Variants in UPF2 observed in about 807,000 individuals in gnomAD.
The protein encoded by UPF2 is regulator of nonsense transcripts 2.
UPF2 carries 17 observed loss-of-function variants against 141.4 expected under a neutral mutation model. The ratio of observed to expected loss-of-function variants is 0.12; its 90% CI spans 0.08 to 0.18. UPF2 has a LOEUF of 0.18. UPF2 is among the 10% of genes least tolerant of loss of function. The probability of loss-of-function intolerance (pLI) is 1.00; values close to 1 mark genes in which losing one functional copy is unlikely to be tolerated. For synonymous variants in UPF2, 540 were observed against 498.0 expected, an observed-to-expected ratio of 1.08 and a Z score of -1.12; for missense variants, 1,152 against 1,515.9, an observed-to-expected ratio of 0.76 and a Z score of 3.99.
At chr10:12,006,759 ACCT>A (rs1351087561) in intron 4 of UPF2, among the ~76,000 whole-genome samples, 2 of 152,190 alleles carry the variant, frequency 1.3e-5, no homozygotes, top group African/African-American at 4.8e-5. Flanking sequence ...TTCCTGGCAG[ACCT>A]CCTAAAACCC....
rs142559307 is a variant in UPF2 at position 11,977,391 on chromosome 10, A to C, written c.1953+1666T>G. Among the ~76,000 whole-genome samples, 495 of 152,282 alleles carry C rather than the reference A, an allele frequency of 3.3e-3. 2 individuals carry two copies. The highest frequency in any genetic ancestry group is 4.8e-3 in the Non-Finnish European group (325 of 68,014). ...CTCTCCTTCGAGAGCACTGGTTCCC[A>C]AAGTATGCTCCTGGAGTTCTGATAT... On this transcript the variant is annotated intron_variant, in intron 9 of 21. Coordinates refer to ENST00000357604, the MANE Select transcript of UPF2 (RefSeq NM_015542.4).
At chr10:11,963,725 A>G (rs936743052) in intron 11 of UPF2, among the ~76,000 whole-genome samples, 2 of 152,232 alleles carry the variant, frequency 1.3e-5, no homozygotes, top group African/African-American at 4.8e-5. Flanking sequence ...TGGCTCTAAC[A>G]AAACAGTATT....
At chr10:11,943,961 C>G (rs1289305401) in intron 16 of UPF2, among the ~76,000 whole-genome samples, 2 of 149,330 alleles carry the variant, frequency 1.3e-5, no homozygotes, top group Admixed American at 6.7e-5. Flanking sequence ...CCCAGTATCC[C>G]AAGTCACCCC....
intron 15 of UPF2, among the ~76,000 whole-genome samples, chr10:11,951,430 G>A (rs2131183077): frequency 6.6e-6 from 1 of 152,288 alleles, no homozygotes; most frequent in African/African-American, 2.4e-5. Flanking sequence ...AACCAGATTG[G>A]TATGGCTATA....
chr10:12,023,827 C>T (rs1428748597), intron 3 of UPF2, among the ~76,000 whole-genome samples: 1 of 151,780 alleles, frequency 6.6e-6, no homozygotes, highest in Non-Finnish European at 1.5e-5. Context: ...CCTGTCTCCA[C>T]CAAAAATACA....
chr10:11,975,087 C>T (rs1199503104), intron 9 of UPF2, among the ~76,000 whole-genome samples: 3 of 152,144 alleles, frequency 2.0e-5, no homozygotes, highest in African/African-American at 7.2e-5. Flanking sequence ...CTGTAATTTG[C>T]TTATGTTAAA....
intron 7 of UPF2, 70 bp from the exon 8 acceptor site, chr10:11,997,827 C>G: frequency 7.3e-7 from 1 of 1,374,758 alleles, no homozygotes; most frequent in Non-Finnish European, 1.0e-6. Context: ...ATCCTGCCTA[C>G]TATGATATTT....
In UPF2 at chr10:11,935,120, T is replaced by C. The variant is rs970383724; in HGVS notation, c.3546+1425A>G. The stretch of plus-strand genomic sequence containing the variant: ...TGGGGAGGACATCTCAGATGCAACT[T>C]ATTGTAGGGTCTTCCCTGATCATCC... On this transcript the variant is annotated intron_variant, in intron 19 of 21. Transcript: ENST00000357604. The surrounding 1 kb of genome is among the most constrained non-coding windows in gnomAD (Gnocchi z 4.9). Among the ~76,000 whole-genome samples the C allele has an allele frequency of 1.3e-5, 2 of 152,142 alleles. No individual in the cohort carries two copies. The highest frequency in any genetic ancestry group is 4.8e-5 in the African/African-American group (2 of 41,428).
At chr10:11,987,337 C>T (rs1223858080) in intron 8 of UPF2, among the ~76,000 whole-genome samples, 1 of 151,594 alleles carries the variant, frequency 6.6e-6, no homozygotes, top group Non-Finnish European at 1.5e-5. Flanking sequence ...AAGTTGAAGA[C>T]AAAAAAAGAT....
At chr10:11,938,868 T>TTTTTGTTTTTTTG (rs1832896585) in intron 18 of UPF2, among the ~76,000 whole-genome samples, 2 of 90,822 alleles carry the variant, frequency 2.2e-5, no homozygotes, top group Non-Finnish European at 4.8e-5. Flanking sequence ...TTTTTTTTTT[T>TTTTTGTTTTTTTG]TTTTTTTTTT....
intron 8 of UPF2, among the ~76,000 whole-genome samples, chr10:11,989,586 G>C (rs1464340398): frequency 6.6e-6 from 1 of 152,180 alleles, no homozygotes; most frequent in African/African-American, 2.4e-5. Context: ...TAACTTACTA[G>C]AGAAATATTA....
rs146972197 is a variant in UPF2, at chr10:12,015,063, T to C, written c.1146-879A>G. 5.2e-4 allele frequency among the ~76,000 whole-genome samples: 79 copies of C among 152,358 alleles called. No homozygotes were observed. In the East Asian group the frequency reaches 8.9e-3, roughly 17 times the overall value. On this transcript the variant is annotated intron_variant, in intron 3 of 21. Transcript: ENST00000357604. ...TATTCGTATAAATCACTGAGAATTA[T>C]ATAGCTGGATCCAATTTTTTACATA...
intron 6 of UPF2, 43 bp downstream of exon 6, chr10:12,001,633 T>C: frequency 6.4e-7 from 1 of 1,558,400 alleles, no homozygotes; most frequent in Non-Finnish European, 8.7e-7. Flanking sequence ...GCTCTGTGTG[T>C]AAAAACCAAT....
chr10:11,988,123 G>C (rs542387125), intron 8 of UPF2, among the ~76,000 whole-genome samples: 18 of 152,276 alleles, frequency 1.2e-4, no homozygotes, highest in Middle Eastern at 3.4e-3. Flanking sequence ...CTCCAAAGAA[G>C]ATATGCAAAT....
chr10:12,005,781 G>C (rs1222205518), intron 4 of UPF2, among the ~76,000 whole-genome samples: 1 of 152,058 alleles, frequency 6.6e-6, no homozygotes, highest in Non-Finnish European at 1.5e-5. Flanking sequence ...ATGTTGGCCA[G>C]GTTGGTCTCA....
At chr10:11,948,229 C>G in intron 16 of UPF2, 140 bp downstream of exon 16, 3 of 838,004 alleles carry the variant, frequency 3.6e-6, no homozygotes, top group Non-Finnish European at 4.9e-6. Flanking sequence ...ACTTGGGCGA[C>G]AGAGCAAGAC....
intron 15 of UPF2, among the ~76,000 whole-genome samples, chr10:11,948,823 A>C (rs1254355927): frequency 6.6e-6 from 1 of 152,244 alleles, no homozygotes; most frequent in Admixed American, 6.5e-5. Context: ...CAAAGGTAGA[A>C]AACAGTAACA....
At position 11,980,931 on chromosome 10, in the gene UPF2, T is replaced by G. The variant is rs1833581190; in HGVS notation, c.1845-1766A>C. The stretch of plus-strand genomic sequence containing the variant: ...TGGTTAGGCTGGGCATGGTGGTCAA[T>G]AATCCCAGCACTTTGGCAGGCTGAG... On this transcript the variant is annotated intron_variant, in intron 8 of 21. Transcript: ENST00000357604. The surrounding 1 kb of genome is among the most constrained non-coding windows in gnomAD (Gnocchi z 4.2). Among the ~76,000 whole-genome samples, 1 of 152,104 alleles carries G rather than the reference T, an allele frequency of 6.6e-6. No homozygotes were observed. The highest frequency in any genetic ancestry group is 2.1e-4 in the South Asian group (1 of 4,826).
In UPF2 at chr10:11,936,567, G is replaced by A; in HGVS notation, c.3524C>T (p.Thr1175Ile). The change falls in exon 19 of 22, where the codon ACA (threonine) becomes ATA (isoleucine). Residue 1175 changes from threonine (T) to isoleucine (I), a missense_variant. Physicochemically the swap from Thr to Ile is moderately conservative, Grantham distance 89 (BLOSUM62 -1). Around this residue, in one of 4 missense-constraint regions of UPF2, gnomAD observed 202 missense variants for 223.6 expected, o/e 0.90. Transcript: ENST00000357604. The surrounding 1 kb of genome is among the most constrained non-coding windows in gnomAD (Gnocchi z 6.6). The part of the protein sequence containing the change: ...SADTMPFVML[T>I]RKGNKQQFKI... ...TACCTGCTGTTTATTGCCTTTTCTT[G>A]TTAACATGACAAACGGCATTGTGTC... 1.2e-6 allele frequency: 2 copies of A among 1,605,882 alleles called. No individual in the cohort carries two copies. The highest frequency in any genetic ancestry group is 1.7e-6 in the Non-Finnish European group (2 of 1,176,694).
Sources: allele counts gnomAD v4.1 joint callset (sites outside exome capture counted in the v4.1 genomes callset), GRCh38; gene constraint gnomAD v4.1.1; regional missense constraint gnomAD v4.1.1; non-coding constraint Gnocchi (gnomAD v3.1); transcripts MANE v1.5; gene names NCBI Gene and HGNC (gene_info 2026-07-23, HGNC 2026-07-21).